ZNF407: variants seen among roughly 807,000 people sequenced by gnomAD.
The protein encoded by ZNF407 is zinc finger protein 407.
Under a neutral mutation model 131.2 loss-of-function variants are expected in ZNF407, and 17 were observed. The ratio of observed to expected loss-of-function variants is 0.13; its 90% CI spans 0.09 to 0.19. ZNF407 has a LOEUF of 0.19. Ranked by LOEUF, ZNF407 falls within the 10% of genes least tolerant of loss-of-function variation. ZNF407 has a pLI of 1.00. For missense variants in ZNF407, 2,681 were observed against 2,830.6 expected, an observed-to-expected ratio of 0.95 and a Z score of 1.20; for synonymous variants, 1,156 against 1,062.0, an observed-to-expected ratio of 1.09 and a Z score of -1.72.
At chr18:74,913,459 A>G (rs570047757) in intron 7 of ZNF407, among the ~76,000 whole-genome samples, 21 of 152,170 alleles carry the variant, frequency 1.4e-4, no homozygotes, top group Non-Finnish European at 2.2e-4. Flanking sequence ...GCGAGGCCCC[A>G]TGCTGTGCTG....
intron 3 of ZNF407, among the ~76,000 whole-genome samples, chr18:74,763,609 T>G (rs1274564253): frequency 1.3e-5 from 2 of 151,902 alleles, no homozygotes; most frequent in Non-Finnish European, 2.9e-5. Flanking sequence ...CTACTACAAG[T>G]GTGTAAGGTA....
At chr18:74,647,788 G>C (rs1013924423) in intron 3 of ZNF407, among the ~76,000 whole-genome samples, 1 of 152,172 alleles carries the variant, frequency 6.6e-6, no homozygotes, top group Non-Finnish European at 1.5e-5. Context: ...CGGGCTGTCT[G>C]TGTTGCGGAA....
chr18:74,844,834 A>G (rs958817613), intron 4 of ZNF407, among the ~76,000 whole-genome samples: 44 of 152,256 alleles, frequency 2.9e-4, no homozygotes, highest in African/African-American at 9.1e-4. Context: ...GGCCACCAAT[A>G]AAGGACTCTT....
At chr18:74,998,157 A>T (rs923811656) in intron 8 of ZNF407, among the ~76,000 whole-genome samples, 6 of 152,160 alleles carry the variant, frequency 3.9e-5, no homozygotes, top group African/African-American at 1.4e-4. Flanking sequence ...CACAGTTAAG[A>T]ATCCTTTTTT....
chr18:74,981,545 C>T lies in ZNF407; in HGVS notation c.5428+60853C>T, dbSNP rs116808499. Among the ~76,000 whole-genome samples the T allele has an allele frequency of 6.1e-3, 932 of 152,304 alleles. 7 individuals are homozygous for T. Among genetic ancestry groups the T allele is most frequent in the African/African-American group, 0.02 (850 of 41,570 alleles). On this transcript the variant is annotated intron_variant, in intron 8 of 8. Coordinates refer to ENST00000299687, the MANE Select transcript of ZNF407 (RefSeq NM_017757.3). ...ATGAGGTTCATAGAGTATGTTCAGT[C>T]ATGTGACAGAGGGTAAATGTTCTCA...
chr18:74,657,869 CT>C (rs1370378362), intron 3 of ZNF407, among the ~76,000 whole-genome samples: 1 of 151,804 alleles, frequency 6.6e-6, no homozygotes, highest in Non-Finnish European at 1.5e-5. Context: ...TCCCTGTCTT[CT>C]CAGCCTCTTG....
At chr18:74,979,883 G>A (rs1972569167) in intron 8 of ZNF407, among the ~76,000 whole-genome samples, 1 of 152,174 alleles carries the variant, frequency 6.6e-6, no homozygotes, top group South Asian at 2.1e-4. Context: ...CTCACAAAAA[G>A]CACTAATCCA....
chr18:74,696,254 G>T (rs966566220), intron 3 of ZNF407, among the ~76,000 whole-genome samples: 1 of 151,992 alleles, frequency 6.6e-6, no homozygotes, highest in Non-Finnish European at 1.5e-5. Flanking sequence ...TGTTACTTTT[G>T]GTAGTTTCAA....
chr18:74,872,863 A>G (rs1469252861), intron 4 of ZNF407, among the ~76,000 whole-genome samples: 2 of 151,894 alleles, frequency 1.3e-5, no homozygotes, highest in East Asian at 3.8e-4. Flanking sequence ...GTCTTTATAT[A>G]TGTGAGATGT....
intron 8 of ZNF407, among the ~76,000 whole-genome samples, chr18:75,031,650 A>G (rs1001440498): frequency 6.6e-6 from 1 of 152,238 alleles, no homozygotes; most frequent in Non-Finnish European, 1.5e-5. Context: ...ACGAGTATTT[A>G]TCATTCATTA....
At chr18:74,613,784 T>C (rs564270260) in intron 1 of ZNF407, among the ~76,000 whole-genome samples, 1 of 152,372 alleles carries the variant, frequency 6.6e-6, no homozygotes, top group Non-Finnish European at 1.5e-5. Flanking sequence ...CTTTTTATGC[T>C]GTGCTTTTCT....
chr18:74,949,577 T>C (rs1972190858), intron 8 of ZNF407, among the ~76,000 whole-genome samples: 1 of 152,212 alleles, frequency 6.6e-6, no homozygotes, highest in Non-Finnish European at 1.5e-5. Context: ...GTTAGTAAAA[T>C]ATCAGTACTT....
At chr18:74,678,810 A>G (rs1011831552) in intron 3 of ZNF407, among the ~76,000 whole-genome samples, 1 of 152,222 alleles carries the variant, frequency 6.6e-6, no homozygotes, top group Non-Finnish European at 1.5e-5. Flanking sequence ...TGTTAAGTAG[A>G]ATAGAAAGTT....
intron 1 of ZNF407, among the ~76,000 whole-genome samples, chr18:74,605,813 C>T (rs1466736747): frequency 3.3e-5 from 5 of 152,114 alleles, no homozygotes; most frequent in Non-Finnish European, 5.9e-5. Context: ...TAGAAAGGTA[C>T]GTCATTAACT....
At chr18:75,008,371 C>T (rs1766031521) in intron 8 of ZNF407, among the ~76,000 whole-genome samples, 1 of 152,114 alleles carries the variant, frequency 6.6e-6, no homozygotes, top group African/African-American at 2.4e-5. Flanking sequence ...ATGTCAGGGA[C>T]CCTGAAAGGC....
At chr18:74,780,225 T>C (rs953435936) in intron 3 of ZNF407, among the ~76,000 whole-genome samples, 1 of 152,176 alleles carries the variant, frequency 6.6e-6, no homozygotes, top group Non-Finnish European at 1.5e-5. Context: ...GGTCATTTGT[T>C]CTTAAACCTG....
chr18:75,029,293 C>A (rs986267523), intron 8 of ZNF407, among the ~76,000 whole-genome samples: 6 of 152,214 alleles, frequency 3.9e-5, no homozygotes, highest in Non-Finnish European at 7.3e-5. Flanking sequence ...TATGTTATTA[C>A]AGCTCAGTGC....
intron 8 of ZNF407, among the ~76,000 whole-genome samples, chr18:74,990,906 C>T (rs1235727125): frequency 6.6e-6 from 1 of 152,098 alleles, no homozygotes. Context: ...ATATGTCCTC[C>T]CTTGTCTTCA....
At chr18:74,967,776 G>T (rs1467790674) in intron 8 of ZNF407, among the ~76,000 whole-genome samples, 2 of 152,236 alleles carry the variant, frequency 1.3e-5, no homozygotes, top group Non-Finnish European at 2.9e-5. Flanking sequence ...TAAGACACAA[G>T]TTATGAAGTG....
Sources: allele counts gnomAD v4.1 joint callset (sites outside exome capture counted in the v4.1 genomes callset), GRCh38; gene constraint gnomAD v4.1.1; transcripts MANE v1.5; gene names NCBI Gene and HGNC (gene_info 2026-07-23, HGNC 2026-07-21).